Variants in EPHA6 observed in about 807,000 individuals in gnomAD.
EPHA6 encodes the protein ephrin type-A receptor 6.
In EPHA6, 50 loss-of-function variants were observed where a neutral mutation model predicts 112.0. The ratio of observed to expected loss-of-function variants is 0.45; its 90% confidence interval spans 0.36 to 0.56. The LOEUF (loss-of-function observed/expected upper bound fraction) is 0.56. Ranked by LOEUF, EPHA6 falls within the 20% of genes least tolerant of loss-of-function variation. The probability of loss-of-function intolerance (pLI) is 0.00; values close to 1 mark genes in which losing one functional copy is unlikely to be tolerated. For synonymous variants in EPHA6, 529 were observed against 490.7 expected, an observed-to-expected ratio of 1.08 and a Z score of -1.03; for missense variants, 1,280 against 1,417.4, an observed-to-expected ratio of 0.90 and a Z score of 1.56.
chr3:97,131,884 A>G (rs1451822230), intron 3 of EPHA6, among the ~76,000 whole-genome samples: 1 of 152,172 alleles, frequency 6.6e-6, no homozygotes, highest in Admixed American at 6.5e-5. Context: ...AAACAACCTT[A>G]TACGGTTTCA....
chr3:97,475,045 T>G (rs2091330474), intron 7 of EPHA6, among the ~76,000 whole-genome samples: 2 of 152,114 alleles, frequency 1.3e-5, no homozygotes, highest in South Asian at 4.1e-4. Flanking sequence ...TTAGCCTATC[T>G]GCTGATTTAG....
At chr3:97,461,530 A>G (rs1205155684) in intron 7 of EPHA6, among the ~76,000 whole-genome samples, 2 of 152,206 alleles carry the variant, frequency 1.3e-5, no homozygotes, top group Non-Finnish European at 2.9e-5. Flanking sequence ...ATAAATGATT[A>G]TTAATACTGA....
At chr3:97,466,515 T>C in intron 7 of EPHA6, 6 of 939,628 alleles carry the variant, frequency 6.4e-6, no homozygotes, top group Non-Finnish European at 1.1e-5. Context: ...AGTGTGAGGG[T>C]CGGGCCAAAT....
At chr3:97,244,398 C>A in intron 5 of EPHA6, 111 bp downstream of exon 5, 1 of 870,954 alleles carries the variant, frequency 1.1e-6, no homozygotes, top group Non-Finnish European at 1.8e-6. Flanking sequence ...ATACGTTATA[C>A]ACTGCAGAGG....
chr3:97,056,281 T>C (rs1435345524), intron 3 of EPHA6, among the ~76,000 whole-genome samples: 3 of 152,166 alleles, frequency 2.0e-5, no homozygotes, highest in Non-Finnish European at 4.4e-5. Context: ...AACATACTTA[T>C]TCATACTGCC....
At chr3:97,278,405 G>A (rs1211255487) in intron 5 of EPHA6, among the ~76,000 whole-genome samples, 9 of 152,126 alleles carry the variant, frequency 5.9e-5, no homozygotes, top group Non-Finnish European at 1.2e-4. Context: ...TTTGCATAAA[G>A]GTTTCTTAAA....
rs183918278 is a variant in EPHA6, at chr3:96,865,125, C to A, written c.386-1700C>A. On this transcript the variant is annotated intron_variant, in intron 1 of 17. Coordinates refer to ENST00000389672, the MANE Select transcript of EPHA6 (RefSeq NM_001080448.3). ...CTTCAAAAAGTATTTGAAAATTTCT[C>A]ACAATAAAAATTGATTAAAATTTAT... Among the ~76,000 whole-genome samples the A allele has an allele frequency of 8.4e-4, 127 of 151,972 alleles. 1 individual carries two copies. The highest frequency in any genetic ancestry group is 2.9e-3 in the African/African-American group (121 of 41,448).
At chr3:97,648,597 T>C in intron 14 of EPHA6, 1 of 1,157,910 alleles carries the variant, frequency 8.6e-7, no homozygotes, top group Non-Finnish European at 1.1e-6. Context: ...TTAAGTACTT[T>C]CATTAACATG....
intron 13 of EPHA6, among the ~76,000 whole-genome samples, chr3:97,627,523 G>T (rs1212833402): frequency 3.3e-5 from 5 of 151,920 alleles, no homozygotes; most frequent in Admixed American, 1.3e-4. Context: ...TCTGAAGTAG[G>T]AGCATTTTAT....
intron 2 of EPHA6, among the ~76,000 whole-genome samples, chr3:96,918,639 AGTTG>A (rs1481946599): frequency 6.6e-6 from 1 of 152,058 alleles, no homozygotes; most frequent in African/African-American, 2.4e-5. Context: ...GGTAATTTAT[AGTTG>A]GTTTTAATGT....
rs144425083 is a variant in EPHA6, at chr3:97,527,273, A to G, written c.2201-5085A>G. Among the ~76,000 whole-genome samples, 125 of 152,218 alleles carry G rather than the reference A, an allele frequency of 8.2e-4. 1 individual carries two copies. In the East Asian group the frequency reaches 0.019, roughly 23 times the overall value. ...TTATGGGTCTGAAGCTGGGTCCACAATTACTGGGTCTGCCACCTAGGTGCA... is the reference window on the plus strand; with the variant it reads ...TTATGGGTCTGAAGCTGGGTCCACAGTTACTGGGTCTGCCACCTAGGTGCA... On this transcript the variant is annotated intron_variant, in intron 10 of 17. Coordinates refer to ENST00000389672, the MANE Select transcript of EPHA6 (RefSeq NM_001080448.3).
chr3:97,337,896 G>A (rs1209012928), intron 5 of EPHA6, among the ~76,000 whole-genome samples: 6 of 152,140 alleles, frequency 3.9e-5, no homozygotes, highest in Non-Finnish European at 8.8e-5. Flanking sequence ...TCAGTGGGTG[G>A]AGGATGTAGC....
chr3:96,927,932 A>T (rs2040122694), intron 2 of EPHA6, among the ~76,000 whole-genome samples: 1 of 152,212 alleles, frequency 6.6e-6, no homozygotes, highest in Non-Finnish European at 1.5e-5. Flanking sequence ...AGAAACATTT[A>T]ACTCATGGCA....
At position 97,532,575 on chromosome 3, in the gene EPHA6, CA is replaced by C. The variant is rs772852964; in HGVS notation, c.2386+33del. The C allele has an allele frequency of 8.7e-5, 134 of 1,546,790 alleles. 1 individual carries two copies. The East Asian group carries it at 1.0e-3, about 12-fold the overall frequency. On this transcript the variant is annotated intron_variant, in intron 11 of 17. Coordinates refer to ENST00000389672, the MANE Select transcript of EPHA6 (RefSeq NM_001080448.3). Reference sequence around the variant, plus strand: ...TACTGAGTTTCTTCATTACTTCTTTCACACACCTATCTCAGTTTTTTTTTAA... The same window carrying C: ...TACTGAGTTTCTTCATTACTTCTTTCCACACCTATCTCAGTTTTTTTTTAA...
chr3:97,105,481 T>A (rs2047537745), intron 3 of EPHA6, among the ~76,000 whole-genome samples: 1 of 152,182 alleles, frequency 6.6e-6, no homozygotes, highest in African/African-American at 2.4e-5. Flanking sequence ...GTTTAAGTCT[T>A]GATTTCTGTT....
intron 2 of EPHA6, among the ~76,000 whole-genome samples, chr3:96,869,093 G>A (rs1312929013): frequency 6.6e-6 from 1 of 151,964 alleles, no homozygotes; most frequent in African/African-American, 2.4e-5. Context: ...ATTCATTTGT[G>A]CCAACATTTA....
At chr3:96,822,754 A>G (rs1318359760) in intron 1 of EPHA6, among the ~76,000 whole-genome samples, 1 of 150,828 alleles carries the variant, frequency 6.6e-6, no homozygotes, top group African/African-American at 2.4e-5. Flanking sequence ...ATAACAGTAA[A>G]TTATGTGTTC....
intron 1 of EPHA6, among the ~76,000 whole-genome samples, chr3:96,866,217 C>A (rs1455413401): frequency 6.6e-6 from 1 of 151,914 alleles, no homozygotes; most frequent in Non-Finnish European, 1.5e-5. Flanking sequence ...GTTTACATGT[C>A]TGCTTTTTTG....
chr3:97,062,321 G>A (rs1299623857), intron 3 of EPHA6, among the ~76,000 whole-genome samples: 1 of 151,306 alleles, frequency 6.6e-6, no homozygotes, highest in Admixed American at 6.6e-5. Context: ...TGGCTAATAA[G>A]AAGTAAAGAG....
Sources: allele counts gnomAD v4.1 joint callset (sites outside exome capture counted in the v4.1 genomes callset), GRCh38; gene constraint gnomAD v4.1.1; transcripts MANE v1.5; gene names NCBI Gene and HGNC (gene_info 2026-07-23, HGNC 2026-07-21).